MS4A8: variants seen among roughly 807,000 people sequenced by gnomAD.
The protein encoded by MS4A8 is membrane-spanning 4-domains subfamily A member 8.
Under a neutral mutation model 23.7 loss-of-function variants are expected in MS4A8, and 27 were observed. That is an observed-to-expected ratio of 1.14 (90% confidence interval 0.84 to 1.57). The LOEUF is 1.57. MS4A8 is among the 40% of genes most tolerant of loss of function. The pLI is 0.00. For synonymous variants in MS4A8, 138 were observed against 126.3 expected (o/e 1.09, Z -0.62); for missense variants, 301 against 311.4 (o/e 0.97, Z 0.25).
At chr11:60,710,180 T>C (rs2088288759) in intron 5 of MS4A8, among the ~76,000 whole-genome samples, 1 of 152,224 alleles carries the variant, frequency 6.6e-6, no homozygotes, top group Non-Finnish European at 1.5e-5. Context: ...CTTTCTGTAC[T>C]CATTTGTCTA....
At position 60,715,330 on chromosome 11, in the gene MS4A8, C is replaced by T. The variant is rs1179764613; in HGVS notation, c.669C>T (p.Asn223=). ...QSSNVSVIYP[N]IYAANPVITP... is the part of the protein sequence containing the mutation. ...TCCAGGTGAGTGTCATCTATCCAAA[C>T]ATCTATGCAGCAAACCCAGTGATCA... Residue 223 remains asparagine, a synonymous_variant, in exon 7 of 7, where the codon AAC becomes AAT. Coordinates refer to ENST00000300226, the MANE Select transcript of MS4A8 (RefSeq NM_031457.2). 17 of 1,613,932 alleles carry T rather than the reference C, an allele frequency of 1.1e-5. No homozygotes were observed. The highest frequency in any genetic ancestry group is 1.4e-5 in the Non-Finnish European group (16 of 1,179,992).
At chr11:60,714,143 C>T (rs1445859908) in intron 5 of MS4A8, among the ~76,000 whole-genome samples, 6 of 146,852 alleles carry the variant, frequency 4.1e-5, no homozygotes, top group African/African-American at 8.2e-5. Context: ...CCAGGATGGT[C>T]TCGATCTCCT....
In MS4A8 at chr11:60,700,330, G is replaced by A. The variant is rs113404772; in HGVS notation, c.-1-530G>A. Among the ~76,000 whole-genome samples, 1,090 of 152,320 alleles carry A rather than the reference G, an allele frequency of 7.2e-3. 12 individuals carry two copies. Among genetic ancestry groups the A allele is most frequent in the African/African-American group, 0.024 (998 of 41,576 alleles). ...GGAGGCCGAGGCAAGCGGATCGCCT[G>A]AGGTCAGGAGTTCGAGACCAGCCTG... On this transcript the variant is annotated intron_variant, in intron 1 of 6. Coordinates refer to ENST00000300226, the MANE Select transcript of MS4A8 (RefSeq NM_031457.2).
intron 5 of MS4A8, among the ~76,000 whole-genome samples, chr11:60,714,759 A>G (rs74386065): frequency 0.046 from 6,974 of 152,180 alleles, 505 homozygotes; most frequent in African/African-American, 0.16. Context: ...CTCCACACCC[A>G]AAGCAACCTA....
intron 4 of MS4A8, among the ~76,000 whole-genome samples, chr11:60,707,826 T>G (rs1185940635): frequency 2.7e-4 from 38 of 138,584 alleles, no homozygotes; most frequent in African/African-American, 8.4e-4. Flanking sequence ...TTTTTTTTTT[T>G]TTTTTTTTTG....
chr11:60,711,656 A>C (rs2129792), intron 5 of MS4A8, among the ~76,000 whole-genome samples: 6,983 of 152,268 alleles, frequency 0.046, 509 homozygotes, highest in African/African-American at 0.16. Context: ...CCAATCAGGG[A>C]GGCATGGACT....
chr11:60,714,363 T>A (rs79973121), intron 5 of MS4A8, among the ~76,000 whole-genome samples: 6,954 of 152,104 alleles, frequency 0.046, 500 homozygotes, highest in African/African-American at 0.16. Flanking sequence ...GGTTACAGAT[T>A]AACAGCAGCT....
chr11:60,707,849 A>T, intron 4 of MS4A8, among the ~76,000 whole-genome samples: 1 of 109,630 alleles, frequency 9.1e-6, no homozygotes. Flanking sequence ...TGTGTGTGTG[A>T]GACAGAGTCT....
At chr11:60,707,092 G>T in intron 4 of MS4A8, 45 bp downstream of exon 4, 3 of 1,556,670 alleles carry the variant, frequency 1.9e-6, no homozygotes, top group Non-Finnish European at 2.7e-6. Flanking sequence ...GAGACCTATA[G>T]AATGGTGTCA....
intron 5 of MS4A8, chr11:60,709,034 A>C: frequency 2.4e-6 from 1 of 420,188 alleles, no homozygotes; most frequent in Middle Eastern, 7.5e-4. Context: ...GCAATTTTAC[A>C]AAGAATGCAT....
At chr11:60,702,139 A>G (rs1475562732) in intron 2 of MS4A8, among the ~76,000 whole-genome samples, 2 of 152,226 alleles carry the variant, frequency 1.3e-5, no homozygotes, top group African/African-American at 4.8e-5. Flanking sequence ...GTAAATTAAA[A>G]ATATCATAAG....
At position 60,715,007 on chromosome 11, in the gene MS4A8, T is replaced by C. The variant is rs762756807; in HGVS notation, c.535-14T>C. The C allele has an allele frequency of 1.2e-6, 2 of 1,602,818 alleles. No individual in the cohort carries two copies. Among genetic ancestry groups the C allele is most frequent in the South Asian group, 1.1e-5 (1 of 90,818 alleles). On this transcript the variant is annotated splice_polypyrimidine_tract_variant and intron_variant, in intron 5 of 6. Transcript: ENST00000300226. ...GTCCCGTGCTCCTGTCCTCCCCATC[T>C]GCTCTGCCTACAGAACCCTGGAATG...
intron 5 of MS4A8, among the ~76,000 whole-genome samples, chr11:60,713,376 T>C (rs889166843): frequency 6.7e-6 from 1 of 149,196 alleles, no homozygotes; most frequent in Non-Finnish European, 1.5e-5. Flanking sequence ...TTGATCATTA[T>C]TGGGCATGGG....
Position 60,701,041 on chromosome 11 carries a change from C to T in MS4A8, c.181C>T (p.Pro61Ser). The stretch of plus-strand genomic sequence containing the variant: ...TTTGGTGTCGAATGTGAATGGGCAG[C>T]CTGTGCAGAAAGCTCTGAAAGAAGG... The part of the protein sequence containing the change: ...PSLVSNVNGQ[P>S]VQKALKEGKT... Residue 61 changes from proline (P) to serine (S), a missense_variant, in exon 2 of 7, where the codon CCT (proline) becomes TCT (serine). Pro to Ser is a moderately conservative substitution (Grantham distance 74). Coordinates refer to ENST00000300226, the MANE Select transcript of MS4A8 (RefSeq NM_031457.2). 6.2e-7 allele frequency: 1 copy of T among 1,614,116 alleles called. No individual in the cohort carries two copies. The highest frequency in any genetic ancestry group is 1.3e-5 in the African/African-American group (1 of 75,010).
At position 60,701,046 on chromosome 11, in the gene MS4A8, G is replaced by A; in HGVS notation, c.186G>A (p.Val62=). 6.2e-7 allele frequency: 1 copy of A among 1,614,170 alleles called. No homozygotes were observed. The highest frequency in any genetic ancestry group is 8.5e-7 in the Non-Finnish European group (1 of 1,180,040). ...SLVSNVNGQP[V]QKALKEGKTL... ...TGTCGAATGTGAATGGGCAGCCTGT[G>A]CAGAAAGCTCTGAAAGAAGGCAAAA... is the stretch of plus-strand genomic sequence containing the variant. Residue 62 remains valine, a synonymous_variant, in exon 2 of 7, where the codon GTG becomes GTA. Coordinates refer to ENST00000300226, the MANE Select transcript of MS4A8 (RefSeq NM_031457.2).
chr11:60,703,431 G>T lies in MS4A8; in HGVS notation c.273G>T (p.Ala91=). Residue 91 remains alanine, a synonymous_variant, in exon 3 of 7, where the codon GCG becomes GCT. Transcript: ENST00000300226. ...LAHIGLGSIM[A]TVLVGEYLSI... ...ACATCGGCCTCGGCTCCATCATGGC[G>T]ACGGTTCTCGTAGGGGAATACCTGT... 2 of 1,604,938 alleles carry T rather than the reference G, an allele frequency of 1.2e-6. No individual in the cohort carries two copies. The highest frequency in any genetic ancestry group is 8.5e-7 in the Non-Finnish European group (1 of 1,176,468).
intron 5 of MS4A8, among the ~76,000 whole-genome samples, chr11:60,709,557 A>G (rs2088284271): frequency 6.6e-6 from 1 of 152,232 alleles, no homozygotes; most frequent in Middle Eastern, 3.2e-3. Context: ...ATTTTGTGCT[A>G]TGGCACATCT....
intron 2 of MS4A8, chr11:60,701,334 G>T (rs749405437): frequency 1.7e-5 from 10 of 589,722 alleles, no homozygotes; most frequent in Non-Finnish European, 2.9e-5. Context: ...ACGCTTGAAG[G>T]TTGATCCTGT....
chr11:60,713,949 G>T (rs1409947854), intron 5 of MS4A8, among the ~76,000 whole-genome samples: 1 of 122,472 alleles, frequency 8.2e-6, no homozygotes, highest in African/African-American at 3.5e-5. Flanking sequence ...ACGGAGTCTC[G>T]CTCTGTCGCC....
Sources: gnomAD v4.1 joint callset for allele counts (sites outside exome capture counted in the v4.1 genomes callset) on GRCh38, gnomAD v4.1.1 for gene constraint, MANE v1.5 for transcripts, NCBI Gene and HGNC (gene_info 2026-07-23, HGNC 2026-07-21) for gene names.